TNFRSF1B: variants seen among roughly 807,000 people sequenced by gnomAD.
TNFRSF1B encodes the protein TNF receptor superfamily member 1B.
In TNFRSF1B, 19 loss-of-function variants were observed where a neutral mutation model predicts 44.6. The observed-to-expected ratio is 0.43, with a 90% CI of 0.30 to 0.62. The LOEUF is 0.62. Ranked by LOEUF, TNFRSF1B falls within the 20% of genes least tolerant of loss-of-function variation. TNFRSF1B has a pLI of 0.16. For synonymous variants in TNFRSF1B, 252 were observed against 261.1 expected, an observed-to-expected ratio of 0.97 and a Z score of 0.34; for missense variants, 541 against 619.9, an observed-to-expected ratio of 0.87 and a Z score of 1.35.
Position 12,188,862 on chromosome 1 carries a change from A to T in TNFRSF1B, c.145A>T (p.Thr49Ser). Reference protein sequence around the residue: ...TCRLREYYDQTAQMCCSKCSP... With the variant: ...TCRLREYYDQSAQMCCSKCSP... Reference sequence around the variant, plus strand: ...CCGGCTCAGAGAATACTATGACCAGACAGCTCAGATGTGCTGCAGCAAATG... The same window carrying T: ...CCGGCTCAGAGAATACTATGACCAGTCAGCTCAGATGTGCTGCAGCAAATG... The change falls in exon 2 of 10, where the codon ACA becomes TCA. Residue 49 changes from threonine to serine, a missense_variant. Physicochemically the swap from Thr to Ser is moderately conservative, Grantham distance 58 (BLOSUM62 1). Coordinates refer to ENST00000376259, the MANE Select transcript of TNFRSF1B (RefSeq NM_001066.3). The T allele has an allele frequency of 6.2e-7, 1 of 1,613,790 alleles. No homozygotes were observed. Among genetic ancestry groups the T allele is most frequent in the South Asian group, 1.1e-5 (1 of 91,038 alleles).
rs952652900 is a variant in TNFRSF1B at position 12,192,852 on chromosome 1, T to A, written c.552-11T>A. ...CCTGCTGCCTCCTGACCAAGCCTCC[T>A]CCTCCTCCAGCTGTAACGTGGTGGC... On this transcript the variant is annotated splice_polypyrimidine_tract_variant and intron_variant, in intron 5 of 9. Transcript: ENST00000376259. The A allele has an allele frequency of 6.2e-7, 1 of 1,609,890 alleles. No homozygotes were observed. Among genetic ancestry groups the A allele is most frequent in the Non-Finnish European group, 8.5e-7 (1 of 1,177,534 alleles).
At position 12,196,543 on chromosome 1, in the gene TNFRSF1B, G is replaced by A. The variant is rs958416756; in HGVS notation, c.900+1925G>A. Among the ~76,000 whole-genome samples the A allele has an allele frequency of 2.6e-5, 4 of 152,126 alleles. No individual in the cohort carries two copies. In the East Asian group the frequency reaches 7.7e-4, roughly 29 times the overall value. ...AGCCCTGGGCAGCCCAATACCCGAAGCTTACACCAGGTGTTTGGAATCAGA... is the reference window on the plus strand; with the variant it reads ...AGCCCTGGGCAGCCCAATACCCGAAACTTACACCAGGTGTTTGGAATCAGA... On this transcript the variant is annotated intron_variant, in intron 8 of 9. Coordinates refer to ENST00000376259, the MANE Select transcript of TNFRSF1B (RefSeq NM_001066.3).
chr1:12,200,143 G>A (rs940614060), intron 8 of TNFRSF1B, among the ~76,000 whole-genome samples: 5 of 152,232 alleles, frequency 3.3e-5, no homozygotes, highest in Non-Finnish European at 5.9e-5. Context: ...CAATCTCTCC[G>A]TGCCTCAGTT....
intron 1 of TNFRSF1B, chr1:12,167,402 C>A (rs1376725086): frequency 2.3e-6 from 1 of 433,502 alleles, no homozygotes; most frequent in East Asian, 4.0e-5. Flanking sequence ...CCCCGAAGCC[C>A]CTCTTACCCG....
chr1:12,174,256 C>T (rs816052), intron 1 of TNFRSF1B, among the ~76,000 whole-genome samples: 1,586 of 137,242 alleles, frequency 0.012, 35 homozygotes, highest in African/African-American at 0.033. Context: ...TTCTCCTTCT[C>T]CTTCTTCTTC....
rs915663784 is a variant in TNFRSF1B, at chr1:12,180,782, G to A, written c.79-8014G>A. Among the ~76,000 whole-genome samples, 3 of 152,120 alleles carry A rather than the reference G, an allele frequency of 2.0e-5. No homozygotes were observed. The highest frequency in any genetic ancestry group is 6.5e-5 in the Admixed American group (1 of 15,268). On this transcript the variant is annotated intron_variant, in intron 1 of 9. Coordinates refer to ENST00000376259, the MANE Select transcript of TNFRSF1B (RefSeq NM_001066.3). The surrounding 1 kb of genome is among the most constrained non-coding windows in gnomAD (Gnocchi z 4.3). ...GCGGGGTCTTTTCTTCCTGGAGCTC[G>A]GCCCTCGGCAGCTCTCAGAAGCTCA...
rs3766728 is a variant in TNFRSF1B, at chr1:12,180,833, A to G, written c.79-7963A>G. ...CCTTCTTGCAGGCTCTCACAGCCGC[A>G]TCGTCCTCTGGCTGGGCTGCTCACA... On this transcript the variant is annotated intron_variant, in intron 1 of 9. Coordinates refer to ENST00000376259, the MANE Select transcript of TNFRSF1B (RefSeq NM_001066.3). This position sits in a 1 kb window ranked among gnomAD's most constrained non-coding sequence, Gnocchi z 4.3. 1.8e-4 allele frequency among the ~76,000 whole-genome samples: 28 copies of G among 152,254 alleles called. No homozygotes were observed. In the East Asian group the frequency reaches 5.4e-3, roughly 29 times the overall value.
At chr1:12,170,646 C>T (rs1638500885) in intron 1 of TNFRSF1B, among the ~76,000 whole-genome samples, 2 of 150,538 alleles carry the variant, frequency 1.3e-5, no homozygotes, top group South Asian at 2.1e-4. Flanking sequence ...ATGTTACACC[C>T]GACTCTACAC....
chr1:12,170,237 T>C (rs1638490408), intron 1 of TNFRSF1B, among the ~76,000 whole-genome samples: 1 of 152,168 alleles, frequency 6.6e-6, no homozygotes, highest in Non-Finnish European at 1.5e-5. Context: ...CCCAGCCCAG[T>C]GCCTGGCTCT....
At chr1:12,191,191 G>A (rs894598038) in intron 3 of TNFRSF1B, 106 bp downstream of exon 3, 1 of 1,451,334 alleles carries the variant, frequency 6.9e-7, no homozygotes, top group East Asian at 2.3e-5. Flanking sequence ...CCCCAGGCTG[G>A]TTGTTGGAAG....
Position 12,169,797 on chromosome 1 carries a change from C to A in TNFRSF1B, c.78+2628C>A, listed in dbSNP as rs1022684486. On this transcript the variant is annotated intron_variant, in intron 1 of 9. Transcript: ENST00000376259. The surrounding 1 kb of genome is among the most constrained non-coding windows in gnomAD (Gnocchi z 4.5). The stretch of plus-strand genomic sequence containing the variant: ...CTGGCAGTAGGTGAGTGCTTGGTGC[C>A]CTCTGATGGGGATGAGCAGGGTCTG... 2.0e-5 allele frequency among the ~76,000 whole-genome samples: 3 copies of A among 152,208 alleles called. No homozygotes were observed. Among genetic ancestry groups the A allele is most frequent in the African/African-American group, 7.2e-5 (3 of 41,442 alleles).
chr1:12,187,480 TTC>T lies in TNFRSF1B; in HGVS notation c.79-1315_79-1314del, dbSNP rs1639014309. On this transcript the variant is annotated intron_variant, in intron 1 of 9. Coordinates refer to ENST00000376259, the MANE Select transcript of TNFRSF1B (RefSeq NM_001066.3). This position sits in a 1 kb window ranked among gnomAD's most constrained non-coding sequence, Gnocchi z 5.5. ...CTCTCTCTTTTCATTCATCACATTG[TTC>T]ATCTCTTCCCGGAGGCATCCAGCAC... Among the ~76,000 whole-genome samples the T allele has an allele frequency of 6.6e-6, 1 of 152,188 alleles. No homozygotes were observed. The highest frequency in any genetic ancestry group is 2.4e-5 in the African/African-American group (1 of 41,436).
chr1:12,176,020 C>T (rs1186807384), intron 1 of TNFRSF1B, among the ~76,000 whole-genome samples: 2 of 151,482 alleles, frequency 1.3e-5, no homozygotes, highest in Middle Eastern at 3.4e-3. Flanking sequence ...TTGGAGACCA[C>T]CCTGGCCAAC....
intron 1 of TNFRSF1B, among the ~76,000 whole-genome samples, chr1:12,184,997 G>C (rs1015131981): frequency 6.6e-6 from 1 of 152,186 alleles, no homozygotes; most frequent in Non-Finnish European, 1.5e-5. Flanking sequence ...TCGGTCGGAG[G>C]GGGATAGGCA....
rs931193791 is a variant in TNFRSF1B, at chr1:12,184,509, A to G, written c.79-4287A>G. ...GGGCTGGAGCCACACAGAGCCAGGG[A>G]GGAAGTCCAGGGACGGTCACTCACA... On this transcript the variant is annotated intron_variant, in intron 1 of 9. Coordinates refer to ENST00000376259, the MANE Select transcript of TNFRSF1B (RefSeq NM_001066.3). Among the ~76,000 whole-genome samples, 20 of 152,238 alleles carry G rather than the reference A, an allele frequency of 1.3e-4. 2 individuals are homozygous for G. The highest frequency in any genetic ancestry group is 3.9e-4 in the Admixed American group (6 of 15,304).
In TNFRSF1B at chr1:12,206,544, G is replaced by A. The variant is rs143655312; in HGVS notation, c.1106-196G>A. Among the ~76,000 whole-genome samples, 3,301 of 152,150 alleles carry A rather than the reference G, an allele frequency of 0.022. 48 individuals carry two copies. The highest frequency in any genetic ancestry group is 0.03 in the Non-Finnish European group (2,059 of 67,996). Reference sequence around the variant, plus strand: ...GTAGGTAGTGATGCTATTCTTATTCGGCAGAGGGGAAAATGAGGCACATGC... The same window carrying A: ...GTAGGTAGTGATGCTATTCTTATTCAGCAGAGGGGAAAATGAGGCACATGC... On this transcript the variant is annotated intron_variant, in intron 9 of 9. Transcript: ENST00000376259.
intron 1 of TNFRSF1B, among the ~76,000 whole-genome samples, chr1:12,182,228 A>C (rs796794844): frequency 7.9e-5 from 12 of 152,302 alleles, no homozygotes; most frequent in African/African-American, 2.9e-4. Flanking sequence ...CAGAGAGGCT[A>C]TGATGCTGGG....
intron 9 of TNFRSF1B, among the ~76,000 whole-genome samples, chr1:12,203,392 C>T (rs1383305302): frequency 2.6e-5 from 4 of 152,166 alleles, no homozygotes; most frequent in Non-Finnish European, 5.9e-5. Context: ...CAGCCCTCCT[C>T]CAGCTCACTC....
rs907479646 is a variant in TNFRSF1B, at chr1:12,191,900, C to G, written c.434C>G (p.Pro145Arg). The change falls in exon 4 of 10, where the codon CCG (proline) becomes CGG (arginine). Residue 145 changes from proline to arginine, a missense_variant. By Grantham distance (103) the Pro-to-Arg change is moderately radical. Coordinates refer to ENST00000376259, the MANE Select transcript of TNFRSF1B (RefSeq NM_001066.3). The stretch of plus-strand genomic sequence containing the variant: ...TGCGCGCCGCTGCGCAAGTGCCGCC[C>G]GGGCTTCGGCGTGGCCAGACCAGGT... ...RLCAPLRKCR[P>R]GFGVARPGTE... 6.8e-6 allele frequency: 11 copies of G among 1,609,230 alleles called. No individual in the cohort carries two copies. The highest frequency in any genetic ancestry group is 9.3e-6 in the Non-Finnish European group (11 of 1,178,462).
Sources: allele counts gnomAD v4.1 joint callset (sites outside exome capture counted in the v4.1 genomes callset), GRCh38; gene constraint gnomAD v4.1.1; non-coding constraint Gnocchi (gnomAD v3.1); transcripts MANE v1.5; gene names NCBI Gene and HGNC (gene_info 2026-07-23, HGNC 2026-07-21).